Variants in PAX7 observed in about 807,000 individuals in gnomAD.
PAX7 encodes paired box protein Pax-7.
Under a neutral mutation model 50.7 loss-of-function variants are expected in PAX7, and 18 were observed. The ratio of observed to expected loss-of-function variants is 0.36; its 90% CI spans 0.25 to 0.53. The LOEUF is 0.53. Ranked by LOEUF, PAX7 falls within the 20% of genes least tolerant of loss-of-function variation. The probability of loss-of-function intolerance (pLI) is 0.93; values close to 1 mark genes in which losing one functional copy is unlikely to be tolerated. For missense variants in PAX7, 644 were observed against 702.9 expected (o/e 0.92, Z 0.95); for synonymous variants, 310 against 290.4 (o/e 1.07, Z -0.69).
rs917410287 is a variant in PAX7, at chr1:18,726,915, G to A, written c.1156-8717G>A. Among the ~76,000 whole-genome samples, 3 of 152,162 alleles carry A rather than the reference G, an allele frequency of 2.0e-5. No individual in the cohort carries two copies. Among genetic ancestry groups the A allele is most frequent in the African/African-American group, 7.2e-5 (3 of 41,430 alleles). ...GGTCAGAGATGGCAGTCAATGACCCGGTGTTCACCACGTATCCTCTGAGCT... is the reference window on the plus strand; with the variant it reads ...GGTCAGAGATGGCAGTCAATGACCCAGTGTTCACCACGTATCCTCTGAGCT... On this transcript the variant is annotated intron_variant, in intron 7 of 8. Transcript: ENST00000420770. This position sits in a 1 kb window ranked among gnomAD's most constrained non-coding sequence, Gnocchi z 4.8.
intron 7 of PAX7, among the ~76,000 whole-genome samples, chr1:18,729,473 C>A (rs550236361): frequency 8.2e-4 from 125 of 152,306 alleles, no homozygotes; most frequent in Middle Eastern, 3.4e-3. Flanking sequence ...TATTTACATG[C>A]AAGTGTGTGC....
At chr1:18,652,767 C>T (rs570637425) in intron 4 of PAX7, among the ~76,000 whole-genome samples, 3 of 152,286 alleles carry the variant, frequency 2.0e-5, no homozygotes, top group East Asian at 3.9e-4. Context: ...CAGAGAGGTG[C>T]CTCAGCTCTT....
chr1:18,642,641 C>G (rs952260644), intron 4 of PAX7, among the ~76,000 whole-genome samples: 1 of 152,144 alleles, frequency 6.6e-6, no homozygotes, highest in Non-Finnish European at 1.5e-5. Context: ...TCTTCTTTTC[C>G]CCTTCCCCCA....
At chr1:18,727,940 G>A (rs750356382) in intron 7 of PAX7, among the ~76,000 whole-genome samples, 2 of 151,912 alleles carry the variant, frequency 1.3e-5, no homozygotes, top group Non-Finnish European at 2.9e-5. Flanking sequence ...GTCAGCACCC[G>A]AAGCCTATTA....
intron 5 of PAX7, among the ~76,000 whole-genome samples, chr1:18,695,247 C>G (rs1259897967): frequency 6.6e-6 from 1 of 151,968 alleles, no homozygotes; most frequent in Non-Finnish European, 1.5e-5. Context: ...TACCTGCACA[C>G]AGAAGTGCCA....
intron 7 of PAX7, among the ~76,000 whole-genome samples, chr1:18,711,001 T>A (rs1185982092): frequency 3.9e-5 from 6 of 152,172 alleles, no homozygotes; most frequent in Non-Finnish European, 7.4e-5. Flanking sequence ...AGCCCTTCCT[T>A]CTCCTCCCTT....
chr1:18,719,548 G>A (rs2236822), intron 7 of PAX7, among the ~76,000 whole-genome samples: 39,001 of 152,246 alleles, frequency 0.26, 5,520 homozygotes, highest in East Asian at 0.46. Context: ...GAAGGATTAA[G>A]GTCCCGTGAG....
At chr1:18,655,056 C>T (rs554936766) in intron 4 of PAX7, among the ~76,000 whole-genome samples, 14 of 152,312 alleles carry the variant, frequency 9.2e-5, no homozygotes, top group African/African-American at 3.4e-4. Flanking sequence ...TTAATTTGGG[C>T]ATCATTGTTA....
intron 4 of PAX7, among the ~76,000 whole-genome samples, chr1:18,656,789 G>A (rs890577773): frequency 6.6e-6 from 1 of 151,734 alleles, no homozygotes; most frequent in Non-Finnish European, 1.5e-5. Context: ...GAGCCCAGGA[G>A]TTAGAGAGCA....
At position 18,634,892 on chromosome 1, in the gene PAX7, A is replaced by C. The variant is rs1234993342; in HGVS notation, c.322-219A>C. 6.6e-6 allele frequency among the ~76,000 whole-genome samples: 1 copy of C among 151,856 alleles called. No individual in the cohort carries two copies. The highest frequency in any genetic ancestry group is 1.5e-5 in the Non-Finnish European group (1 of 67,948). ...AATTAGAGTTTTTTATTGCCTATCCATGTCCCACCCCACCCCACCTGGCCA... is the reference window on the plus strand; with the variant it reads ...AATTAGAGTTTTTTATTGCCTATCCCTGTCCCACCCCACCCCACCTGGCCA... On this transcript the variant is annotated intron_variant, in intron 2 of 8. Coordinates refer to ENST00000420770, the MANE Select transcript of PAX7 (RefSeq NM_001135254.2). This position sits in a 1 kb window ranked among gnomAD's most constrained non-coding sequence, Gnocchi z 4.0.
At position 18,632,770 on chromosome 1, in the gene PAX7, G is replaced by A. The variant is rs914636944; in HGVS notation, c.85+1082G>A. 2.0e-5 allele frequency among the ~76,000 whole-genome samples: 3 copies of A among 152,284 alleles called. No individual in the cohort carries two copies. Among genetic ancestry groups the A allele is most frequent in the Admixed American group, 1.3e-4 (2 of 15,306 alleles). ...TCCGGGAGGAGCTCCCTTGGGCAGC[G>A]AGACGGCGCCGGGTCCCTGAATTAG... is the stretch of plus-strand genomic sequence containing the variant. On this transcript the variant is annotated intron_variant, in intron 1 of 8. Coordinates refer to ENST00000420770, the MANE Select transcript of PAX7 (RefSeq NM_001135254.2). The surrounding 1 kb of genome is among the most constrained non-coding windows in gnomAD (Gnocchi z 6.3).
At chr1:18,684,048 C>T (rs184587489) in intron 4 of PAX7, among the ~76,000 whole-genome samples, 4 of 152,192 alleles carry the variant, frequency 2.6e-5, no homozygotes, top group African/African-American at 4.8e-5. Context: ...CCTCAGTGCC[C>T]GCTCTTCCTG....
chr1:18,714,206 C>CAAATAAATAAATAAATAAATAAAT (rs10682105), intron 7 of PAX7, among the ~76,000 whole-genome samples: 2 of 145,006 alleles, frequency 1.4e-5, no homozygotes, highest in Non-Finnish European at 3.0e-5. Context: ...GGCTCCGTCT[C>CAAATAAATAAATAAATAAATAAAT]AAATAAATAA....
chr1:18,634,987 T>TG lies in PAX7; in HGVS notation c.322-118dup, dbSNP rs2088123267. ...AGGATAAAGCCAATCTCTTGGGGGA[T>TG]GGGGGGACACAAGGTAACCAGAACC... On this transcript the variant is annotated intron_variant, in intron 2 of 8. Coordinates refer to ENST00000420770, the MANE Select transcript of PAX7 (RefSeq NM_001135254.2). This position sits in a 1 kb window ranked among gnomAD's most constrained non-coding sequence, Gnocchi z 4.0. 2 of 1,212,054 alleles carry TG rather than the reference T, an allele frequency of 1.7e-6. No individual in the cohort carries two copies. Among genetic ancestry groups the TG allele is most frequent in the African/African-American group, 3.1e-5 (2 of 65,542 alleles). The allele number at this position is 1,212,054 out of a possible 1,614,324, so 75.1% of individuals were successfully genotyped here.
intron 4 of PAX7, among the ~76,000 whole-genome samples, chr1:18,637,176 C>G (rs373542610): frequency 1.3e-5 from 2 of 152,112 alleles, no homozygotes; most frequent in Non-Finnish European, 2.9e-5. Flanking sequence ...TTCAAGCGCC[C>G]GGAAGCCCGG....
intron 7 of PAX7, among the ~76,000 whole-genome samples, chr1:18,705,575 T>A (rs1470900863): frequency 6.6e-6 from 1 of 152,144 alleles, no homozygotes; most frequent in Non-Finnish European, 1.5e-5. Flanking sequence ...CTGAGGTTTA[T>A]CCCCAACACA....
intron 5 of PAX7, among the ~76,000 whole-genome samples, chr1:18,695,206 T>G (rs2089135399): frequency 8.4e-6 from 1 of 118,680 alleles, no homozygotes; most frequent in African/African-American, 3.3e-5. Context: ...AATGATTACA[T>G]GTAAAAAAAA....
chr1:18,718,115 A>G (rs891292354), intron 7 of PAX7, among the ~76,000 whole-genome samples: 1 of 152,204 alleles, frequency 6.6e-6, no homozygotes, highest in Non-Finnish European at 1.5e-5. Flanking sequence ...CTGAACCTCC[A>G]TGGGGGTGTC....
In PAX7 at chr1:18,721,725, C is replaced by T. The variant is rs572799795; in HGVS notation, c.1156-13907C>T. Among the ~76,000 whole-genome samples the T allele has an allele frequency of 7.9e-5, 12 of 152,176 alleles. No homozygotes were observed. In the East Asian group the frequency reaches 9.6e-4, roughly 12 times the overall value. ...GGGATAAAAAGAACCATTTCTGCTCCGTCAGTGATGCGGGGAGGAGAAGCT... is the reference window on the plus strand; with the variant it reads ...GGGATAAAAAGAACCATTTCTGCTCTGTCAGTGATGCGGGGAGGAGAAGCT... On this transcript the variant is annotated intron_variant, in intron 7 of 8. Transcript: ENST00000420770.
Sources: allele counts gnomAD v4.1 joint callset (sites outside exome capture counted in the v4.1 genomes callset), GRCh38; gene constraint gnomAD v4.1.1; non-coding constraint Gnocchi (gnomAD v3.1); transcripts MANE v1.5; gene names NCBI Gene and HGNC (gene_info 2026-07-23, HGNC 2026-07-21).